Variants in PHACTR1 observed in about 807,000 individuals in gnomAD.
PHACTR1 encodes RPEL repeat containing 1.
PHACTR1 carries 16 observed loss-of-function variants against 69.2 expected under a neutral mutation model. The ratio of observed to expected loss-of-function variants is 0.23; its 90% CI spans 0.16 to 0.35. The LOEUF is 0.35. PHACTR1 is among the 10% of genes least tolerant of loss of function. The probability of loss-of-function intolerance (pLI) is 1.00; values close to 1 mark genes in which losing one functional copy is unlikely to be tolerated. For synonymous variants in PHACTR1, 312 were observed against 284.5 expected (o/e 1.10, Z -0.97); for missense variants, 510 against 734.7 (o/e 0.69, Z 3.54).
chr6:12,816,760 A>G lies in PHACTR1; in HGVS notation c.250+66970A>G, dbSNP rs115929337. On this transcript the variant is annotated intron_variant, in intron 4 of 14. Transcript: ENST00000332995. Reference sequence around the variant, plus strand: ...TAACAAGCTAGAGGGGGTCAGAAAGATGTGTTGACAAGTGTCAAAAGAATT... The same window carrying G: ...TAACAAGCTAGAGGGGGTCAGAAAGGTGTGTTGACAAGTGTCAAAAGAATT... Among the ~76,000 whole-genome samples, 356 of 152,334 alleles carry G rather than the reference A, an allele frequency of 2.3e-3. 4 individuals carry two copies. Among genetic ancestry groups the G allele is most frequent in the African/African-American group, 8.1e-3 (337 of 41,566 alleles).
At chr6:12,730,514 T>C (rs1485424758) in intron 3 of PHACTR1, among the ~76,000 whole-genome samples, 3 of 151,718 alleles carry the variant, frequency 2.0e-5, no homozygotes, top group Non-Finnish European at 1.5e-5. Flanking sequence ...TCAATCATTG[T>C]ATATAACTAT....
At chr6:12,741,592 T>C (rs1007359412) in intron 3 of PHACTR1, among the ~76,000 whole-genome samples, 6 of 152,118 alleles carry the variant, frequency 3.9e-5, no homozygotes, top group African/African-American at 7.2e-5. Flanking sequence ...GTTTGTAGAT[T>C]CTGTATGCTT....
intron 5 of PHACTR1, among the ~76,000 whole-genome samples, chr6:13,133,445 C>A (rs530093287): frequency 6.6e-6 from 1 of 151,878 alleles, no homozygotes. Context: ...AGGCGCGCGC[C>A]GCCACACCTG....
At chr6:12,739,073 T>A (rs1764694822) in intron 3 of PHACTR1, among the ~76,000 whole-genome samples, 1 of 149,304 alleles carries the variant, frequency 6.7e-6, no homozygotes, top group Admixed American at 6.8e-5. Flanking sequence ...CCCTTCAAAC[T>A]GAGTGCTGCG....
chr6:12,723,699 CT>C (rs1218559961), intron 3 of PHACTR1, among the ~76,000 whole-genome samples: 1 of 152,034 alleles, frequency 6.6e-6, no homozygotes, highest in African/African-American at 2.4e-5. Flanking sequence ...GTTTCCCAGG[CT>C]GGTCTTAAAC....
At chr6:12,990,067 C>T (rs1796639076) in intron 4 of PHACTR1, among the ~76,000 whole-genome samples, 1 of 152,162 alleles carries the variant, frequency 6.6e-6, no homozygotes, top group Admixed American at 6.5e-5. Context: ...TGGCTTTCCA[C>T]AACTTATTGT....
intron 5 of PHACTR1, among the ~76,000 whole-genome samples, chr6:13,154,578 C>T (rs1453334106): frequency 1.3e-5 from 2 of 152,158 alleles, no homozygotes; most frequent in African/African-American, 4.8e-5. Flanking sequence ...TATCTGCTCT[C>T]ATGCTTTTCC....
intron 10 of PHACTR1, among the ~76,000 whole-genome samples, chr6:13,261,826 C>T (rs1025591664): frequency 1.3e-5 from 2 of 152,094 alleles, no homozygotes; most frequent in Non-Finnish European, 2.9e-5. Flanking sequence ...GGATTATTGT[C>T]AGTTAGACAG....
intron 7 of PHACTR1, among the ~76,000 whole-genome samples, chr6:13,204,674 G>C (rs1765656277): frequency 6.6e-6 from 1 of 152,192 alleles, no homozygotes; most frequent in Non-Finnish European, 1.5e-5. Flanking sequence ...CCTCCTTACT[G>C]TTTCAGTAGC....
intron 4 of PHACTR1, among the ~76,000 whole-genome samples, chr6:12,783,067 C>T (rs1771036268): frequency 6.6e-6 from 1 of 152,196 alleles, no homozygotes; most frequent in African/African-American, 2.4e-5. Context: ...TTTCAGTTTA[C>T]ATGAGTTAGG....
intron 6 of PHACTR1, among the ~76,000 whole-genome samples, chr6:13,174,439 C>T (rs1019045561): frequency 6.6e-6 from 1 of 152,164 alleles, no homozygotes; most frequent in African/African-American, 2.4e-5. Context: ...TTTGCATTAC[C>T]AACAAAGATG....
At chr6:13,268,115 A>T (rs1297759671) in intron 10 of PHACTR1, among the ~76,000 whole-genome samples, 1 of 152,088 alleles carries the variant, frequency 6.6e-6, no homozygotes, top group African/African-American at 2.4e-5. Flanking sequence ...AAAAATACAA[A>T]AATTAGCTGG....
intron 5 of PHACTR1, among the ~76,000 whole-genome samples, chr6:13,151,392 A>AT (rs1288799756): frequency 1.3e-5 from 2 of 152,232 alleles, no homozygotes; most frequent in Admixed American, 1.3e-4. Flanking sequence ...GTCATGGAAC[A>AT]TAAGAGTTTC....
intron 5 of PHACTR1, among the ~76,000 whole-genome samples, chr6:13,148,662 G>T (rs1443838521): frequency 6.6e-6 from 1 of 152,132 alleles, no homozygotes; most frequent in Admixed American, 6.5e-5. Flanking sequence ...AGGAAAACAA[G>T]TAGGCTCCTC....
At chr6:12,798,068 A>ACACACACC (rs758442149) in intron 4 of PHACTR1, among the ~76,000 whole-genome samples, 1 of 149,912 alleles carries the variant, frequency 6.7e-6, no homozygotes, top group African/African-American at 2.5e-5. Context: ...ACACACACAC[A>ACACACACC]CCCCTACATA....
At chr6:13,057,619 C>T (rs886341466) in intron 5 of PHACTR1, among the ~76,000 whole-genome samples, 5 of 152,028 alleles carry the variant, frequency 3.3e-5, no homozygotes, top group Non-Finnish European at 7.4e-5. Flanking sequence ...CTGGGTGTAC[C>T]TTTATACAAG....
intron 4 of PHACTR1, among the ~76,000 whole-genome samples, chr6:12,815,857 T>G (rs1775523385): frequency 6.6e-6 from 1 of 152,226 alleles, no homozygotes; most frequent in Admixed American, 6.5e-5. Context: ...AAAGTCCTTT[T>G]TCTTCTCCTG....
intron 4 of PHACTR1, among the ~76,000 whole-genome samples, chr6:13,027,583 A>G (rs151288189): frequency 5.5e-4 from 83 of 152,242 alleles, no homozygotes; most frequent in Admixed American, 2.4e-3. Context: ...TTCAAGTTCT[A>G]TGGTTCAATG....
At chr6:12,908,071 C>G (rs529903219) in intron 4 of PHACTR1, among the ~76,000 whole-genome samples, 1 of 152,294 alleles carries the variant, frequency 6.6e-6, no homozygotes, top group Admixed American at 6.5e-5. Flanking sequence ...CAAGAGACAG[C>G]TTATTCTTTT....
Sources: allele counts gnomAD v4.1 joint callset (sites outside exome capture counted in the v4.1 genomes callset), GRCh38; gene constraint gnomAD v4.1.1; transcripts MANE v1.5; gene names NCBI Gene and HGNC (gene_info 2026-07-23, HGNC 2026-07-21).